ERI3: variants seen among roughly 807,000 people sequenced by gnomAD.
ERI3 encodes ERI1 exoribonuclease family member 3, also known as ERI1 exoribonuclease 3.
A neutral mutation model predicts 44.4 loss-of-function variants in ERI3; 18 were observed. The observed-to-expected ratio is 0.41, with a 90% CI of 0.28 to 0.60. The LOEUF (loss-of-function observed/expected upper bound fraction) is 0.60, where lower values mean the gene tolerates loss of function less well. Ranked by LOEUF, ERI3 falls within the 20% of genes least tolerant of loss-of-function variation. ERI3 has a pLI of 0.36. For missense variants in ERI3, 294 were observed against 435.5 expected (o/e 0.68, Z 2.89); for synonymous variants, 183 against 164.8 (o/e 1.11, Z -0.84).
At chr1:44,236,256 T>C (rs57196596) in intron 8 of ERI3, among the ~76,000 whole-genome samples, 5,380 of 152,322 alleles carry the variant, frequency 0.035, 272 homozygotes, top group African/African-American at 0.11. Context: ...TTTTATTTAC[T>C]ATCTGCCTAT....
chr1:44,253,259 C>T (rs1014786302), intron 7 of ERI3, among the ~76,000 whole-genome samples: 2 of 152,220 alleles, frequency 1.3e-5, no homozygotes, highest in Admixed American at 1.3e-4. Flanking sequence ...AGGCTCAGTT[C>T]TGCCAGCTAT....
intron 6 of ERI3, among the ~76,000 whole-genome samples, chr1:44,286,950 G>A (rs1476674109): frequency 6.6e-6 from 1 of 152,106 alleles, no homozygotes; most frequent in Non-Finnish European, 1.5e-5. Context: ...CATTCCCAAA[G>A]GGCAGGGCCC....
chr1:44,354,247 GC>G, intron 1 of ERI3: 1 of 985,418 alleles, frequency 1.0e-6, no homozygotes, highest in Non-Finnish European at 1.2e-6. Flanking sequence ...AAGAGTAAAT[GC>G]CATTGAAGTG....
chr1:44,257,196 C>T (rs1448251388), intron 7 of ERI3, among the ~76,000 whole-genome samples: 3 of 152,100 alleles, frequency 2.0e-5, no homozygotes, highest in Non-Finnish European at 4.4e-5. Flanking sequence ...GATATTAAAT[C>T]CATGGTAATC....
intron 6 of ERI3, among the ~76,000 whole-genome samples, chr1:44,300,411 T>C (rs1008090377): frequency 6.6e-6 from 1 of 152,188 alleles, no homozygotes; most frequent in Non-Finnish European, 1.5e-5. Context: ...AGAGGCCCTG[T>C]CTGCCACGGA....
rs573008967 is a variant in ERI3 at position 44,228,438 on chromosome 1, A to G, written c.932-6798T>C. Among the ~76,000 whole-genome samples, 2 of 152,290 alleles carry G rather than the reference A, an allele frequency of 1.3e-5. No homozygotes were observed. Among genetic ancestry groups the G allele is most frequent in the East Asian group, 3.9e-4 (2 of 5,188 alleles). Reference sequence around the variant, plus strand: ...GAAATGCAGTCCACTTATTCAAACAACTCACCATTACCATATTTTTAAATA... The same window carrying G: ...GAAATGCAGTCCACTTATTCAAACAGCTCACCATTACCATATTTTTAAATA... On this transcript the variant is annotated intron_variant, in intron 8 of 8. Coordinates refer to ENST00000372257, the MANE Select transcript of ERI3 (RefSeq NM_024066.3). This position sits in a 1 kb window ranked among gnomAD's most constrained non-coding sequence, Gnocchi z 4.3.
intron 6 of ERI3, among the ~76,000 whole-genome samples, chr1:44,291,236 C>T (rs1645501206): frequency 6.6e-6 from 1 of 152,228 alleles, no homozygotes; most frequent in Admixed American, 6.5e-5. Context: ...ATTGAATTCA[C>T]TCTCTTGGCC....
chr1:44,353,811 C>T, intron 1 of ERI3: 2 of 985,370 alleles, frequency 2.0e-6, no homozygotes, highest in Non-Finnish European at 2.4e-6. Flanking sequence ...CCAAAGTGCT[C>T]TGAGCTCCAG....
chr1:44,349,984 G>A (rs1306191588), intron 2 of ERI3, among the ~76,000 whole-genome samples: 7 of 152,180 alleles, frequency 4.6e-5, no homozygotes, highest in African/African-American at 9.7e-5. Context: ...TTTGGTCCCT[G>A]TCCTTGACAT....
intron 7 of ERI3, among the ~76,000 whole-genome samples, chr1:44,281,928 A>G (rs56133725): frequency 0.02 from 1,334 of 66,912 alleles, 2 homozygotes; most frequent in African/African-American, 0.033. Context: ...GTGTGTGTGT[A>G]TGTATTCTTC....
At position 44,241,869 on chromosome 1, in the gene ERI3, T is replaced by C; in HGVS notation, c.931+6070A>G. ...ATACATACAGGAGAACCTTCTTCCATCCATCTGTCCATCAACTCACCCACC... is the reference window on the plus strand; with the variant it reads ...ATACATACAGGAGAACCTTCTTCCACCCATCTGTCCATCAACTCACCCACC... On this transcript the variant is annotated intron_variant, in intron 8 of 8. Coordinates refer to ENST00000372257, the MANE Select transcript of ERI3 (RefSeq NM_024066.3). The surrounding 1 kb of genome is among the most constrained non-coding windows in gnomAD (Gnocchi z 5.6). 1.3e-6 allele frequency: 1 copy of C among 749,914 alleles called. No individual in the cohort carries two copies. Among genetic ancestry groups the C allele is most frequent in the Non-Finnish European group, 1.6e-6 (1 of 614,926 alleles). The allele number at this position is 749,914 out of a possible 1,614,324, so 46.5% of individuals were successfully genotyped here. A position where few individuals can be genotyped will look rare whatever the true frequency, so the allele number is the denominator to read the frequency against.
intron 1 of ERI3, chr1:44,353,916 G>C: frequency 1.0e-6 from 1 of 985,338 alleles, no homozygotes; most frequent in Non-Finnish European, 1.2e-6. Context: ...AGGCAGCCAA[G>C]TGGGTTTCTA....
At chr1:44,233,745 C>A (rs1644239930) in intron 8 of ERI3, among the ~76,000 whole-genome samples, 1 of 152,136 alleles carries the variant, frequency 6.6e-6, no homozygotes, top group African/African-American at 2.4e-5. Flanking sequence ...TATATTAATT[C>A]TCTCCCATCT....
intron 6 of ERI3, among the ~76,000 whole-genome samples, chr1:44,299,560 T>A (rs551132124): frequency 3.9e-5 from 6 of 152,076 alleles, no homozygotes; most frequent in Non-Finnish European, 7.4e-5. Context: ...CTAAGCAATA[T>A]CTCATACAAA....
At chr1:44,248,699 G>A (rs1644605525) in intron 7 of ERI3, among the ~76,000 whole-genome samples, 1 of 135,080 alleles carries the variant, frequency 7.4e-6, no homozygotes, top group Non-Finnish European at 1.6e-5. Context: ...GTGTGTGAGA[G>A]AGAGTGTGTG....
chr1:44,226,848 T>G (rs1217647202), intron 8 of ERI3, among the ~76,000 whole-genome samples: 2 of 151,722 alleles, frequency 1.3e-5, no homozygotes, highest in Non-Finnish European at 2.9e-5. Flanking sequence ...ATACTTTCAG[T>G]TTTTTTAATA....
chr1:44,342,844 T>TATATAA (rs1646702086), intron 2 of ERI3, among the ~76,000 whole-genome samples: 1 of 32,906 alleles, frequency 3.0e-5, no homozygotes, highest in Non-Finnish European at 5.5e-5. Flanking sequence ...TATATATATA[T>TATATAA]ATATATATAT....
intron 7 of ERI3, among the ~76,000 whole-genome samples, chr1:44,259,305 G>A (rs528078993): frequency 5.9e-5 from 9 of 152,258 alleles, no homozygotes; most frequent in African/African-American, 1.9e-4. Flanking sequence ...GATTGGAGGT[G>A]GGGTGGGGGA....
chr1:44,234,156 AT>A (rs1644251733), intron 8 of ERI3, among the ~76,000 whole-genome samples: 1 of 152,058 alleles, frequency 6.6e-6, no homozygotes, highest in African/African-American at 2.4e-5. Context: ...GGGCAAACTT[AT>A]CCCCTCCTGG....
Sources: allele counts gnomAD v4.1 joint callset (sites outside exome capture counted in the v4.1 genomes callset), GRCh38; gene constraint gnomAD v4.1.1; non-coding constraint Gnocchi (gnomAD v3.1); transcripts MANE v1.5; gene names NCBI Gene and HGNC (gene_info 2026-07-23, HGNC 2026-07-21).